The following KBTBD2 variants were observed in gnomAD, a reference collection of about 807,000 sequenced individuals.
The protein encoded by KBTBD2 is kelch repeat and BTB domain-containing protein 2.
A neutral mutation model predicts 57.1 loss-of-function variants in KBTBD2; 17 were observed. That is an observed-to-expected ratio of 0.30 (90% confidence interval 0.20 to 0.45). The LOEUF (loss-of-function observed/expected upper bound fraction) is 0.45. Among genes scored for constraint, KBTBD2 ranks in the 20% least tolerant of loss-of-function variants. KBTBD2 has a pLI of 1.00. For synonymous variants in KBTBD2, 267 were observed against 262.7 expected (o/e 1.02, Z -0.16); for missense variants, 515 against 750.6 (o/e 0.69, Z 3.67).
rs1166610342 is a variant in KBTBD2, at chr7:32,874,229, T to A, written c.336+763A>T. ...TCTGGCTAACAACGGTGAAACCCCA[T>A]CTCTACTAAAAATACAAAAAATTAG... On this transcript the variant is annotated intron_variant, in intron 3 of 3. Transcript: ENST00000304056. Among the ~76,000 whole-genome samples the A allele has an allele frequency of 2.0e-5, 3 of 151,512 alleles. No individual in the cohort carries two copies. The East Asian group carries it at 5.8e-4, about 29-fold the overall frequency.
chr7:32,888,720 C>T (rs892284920), intron 1 of KBTBD2, among the ~76,000 whole-genome samples: 3 of 150,220 alleles, frequency 2.0e-5, no homozygotes, highest in Admixed American at 1.3e-4. Flanking sequence ...AAAATTTCAG[C>T]ATAGCTTCCT....
At chr7:32,874,164 C>G (rs1440089796) in intron 3 of KBTBD2, among the ~76,000 whole-genome samples, 1 of 151,942 alleles carries the variant, frequency 6.6e-6, no homozygotes, top group Admixed American at 6.6e-5. Flanking sequence ...CTTTGGGAGG[C>G]CAAGGTGGGT....
intron 3 of KBTBD2, among the ~76,000 whole-genome samples, chr7:32,872,252 T>C (rs1193686020): frequency 6.6e-6 from 1 of 151,982 alleles, no homozygotes; most frequent in African/African-American, 2.4e-5. Flanking sequence ...GCAAACTATA[T>C]AAAGACAGTG....
In KBTBD2 at chr7:32,869,635, C is replaced by G. The variant is rs761455200; in HGVS notation, c.1582G>C (p.Val528Leu). 6.2e-7 allele frequency: 1 copy of G among 1,614,166 alleles called. No individual in the cohort carries two copies. Among genetic ancestry groups the G allele is most frequent in the Non-Finnish European group, 8.5e-7 (1 of 1,180,022 alleles). ...ACACATAGAGAATTTGAGATCACAA[C>G]AGCTCTAACACAGGGGTCAGAGTAC... Reference protein sequence around the residue: ...KRYSDPCVRAVVISNSLCVFM... With the variant: ...KRYSDPCVRALVISNSLCVFM... The change falls in exon 4 of 4, where the codon GTT becomes CTT. Residue 528 changes from valine to leucine, a missense_variant. Transcript: ENST00000304056.
intron 1 of KBTBD2, among the ~76,000 whole-genome samples, chr7:32,890,333 T>G (rs1249882019): frequency 6.6e-6 from 1 of 152,144 alleles, no homozygotes; most frequent in Admixed American, 6.6e-5. Flanking sequence ...AAATTCCACA[T>G]CATCGAGATT....
chr7:32,886,558 A>G (rs754920402), intron 1 of KBTBD2, among the ~76,000 whole-genome samples: 1 of 152,214 alleles, frequency 6.6e-6, no homozygotes, highest in Non-Finnish European at 1.5e-5. Context: ...ACGGCATTTT[A>G]TCAGAGACCT....
chr7:32,870,109 G>A lies in KBTBD2; in HGVS notation c.1108C>T (p.Arg370Cys), dbSNP rs957134147. 10 of 1,614,096 alleles carry A rather than the reference G, an allele frequency of 6.2e-6. No individual in the cohort carries two copies. Among genetic ancestry groups the A allele is most frequent in the Non-Finnish European group, 8.5e-6 (10 of 1,180,006 alleles). ...CAGCAAACCAAAGATGGCTTTATGC[G>A]GACAAAAAGCATTGGGGTCTTTGGA... is the stretch of plus-strand genomic sequence containing the variant. The part of the protein sequence containing the change: ...WFPKTPMLFV[R>C]IKPSLVCCEG... Residue 370 changes from arginine to cysteine, a missense_variant, in exon 4 of 4, where the codon CGC becomes TGC. By Grantham distance (180) the Arg-to-Cys change is radical. Transcript: ENST00000304056.
chr7:32,889,249 C>G (rs1784666062), intron 1 of KBTBD2, among the ~76,000 whole-genome samples: 1 of 150,894 alleles, frequency 6.6e-6, no homozygotes, highest in East Asian at 2.0e-4. Flanking sequence ...CAAGATCGCG[C>G]CACCGCACTC....
chr7:32,887,762 A>G (rs1164986579), intron 1 of KBTBD2, among the ~76,000 whole-genome samples: 3 of 152,304 alleles, frequency 2.0e-5, no homozygotes, highest in South Asian at 2.1e-4. Context: ...TACAAACCCA[A>G]ACTACTTGGG....
intron 1 of KBTBD2, chr7:32,891,301 C>A (rs1291341694): frequency 6.7e-6 from 1 of 148,646 alleles, no homozygotes; most frequent in Admixed American, 6.7e-5. Context: ...CGCGGACCTG[C>A]CCGGAGCTCC....
rs1583767795 is a variant in KBTBD2 at position 32,868,599 on chromosome 7, GA to G, written c.*745del. 6.6e-6 allele frequency: 1 copy of G among 152,548 alleles called. No homozygotes were observed. The highest frequency in any genetic ancestry group is 6.6e-5 in the Admixed American group (1 of 15,264). 9.4% of individuals were successfully genotyped at this position (152,548 alleles called of 1,614,324 possible). On this transcript the variant is annotated 3_prime_UTR_variant, in exon 4 of 4. Coordinates refer to ENST00000304056, the MANE Select transcript of KBTBD2 (RefSeq NM_015483.3). Reference sequence around the variant, plus strand: ...CATGAGCCAATGTTAACATAATACAGAAAGTGGAGGCTTTTTCTGATTAAAG... The same window carrying G: ...CATGAGCCAATGTTAACATAATACAGAAGTGGAGGCTTTTTCTGATTAAAG...
At chr7:32,889,588 ACT>A (rs774747585) in intron 1 of KBTBD2, among the ~76,000 whole-genome samples, 6 of 124,440 alleles carry the variant, frequency 4.8e-5, no homozygotes, top group Non-Finnish European at 9.7e-5. Flanking sequence ...GTGACAAGAG[ACT>A]CTGTCTCAAA....
chr7:32,877,130 T>C lies in KBTBD2; in HGVS notation c.171-1973A>G, dbSNP rs185890212. On this transcript the variant is annotated intron_variant, in intron 2 of 3. Coordinates refer to ENST00000304056, the MANE Select transcript of KBTBD2 (RefSeq NM_015483.3). Reference sequence around the variant, plus strand: ...AACTCCCAGGTTCAAGCGATTCTCCTACTTCAGCATCCCGAGTAGCTGGGA... The same window carrying C: ...AACTCCCAGGTTCAAGCGATTCTCCCACTTCAGCATCCCGAGTAGCTGGGA... Among the ~76,000 whole-genome samples the C allele has an allele frequency of 1.5e-3, 223 of 152,196 alleles. 1 individual carries two copies. The highest frequency in any genetic ancestry group is 5.1e-3 in the African/African-American group (210 of 41,530).
At chr7:32,890,185 C>G (rs937574115) in intron 1 of KBTBD2, among the ~76,000 whole-genome samples, 2 of 152,186 alleles carry the variant, frequency 1.3e-5, no homozygotes, top group Non-Finnish European at 2.9e-5. Context: ...ACAGCACTCC[C>G]GAGTTACTGA....
chr7:32,889,292 TA>T (rs565823381), intron 1 of KBTBD2, among the ~76,000 whole-genome samples: 1,983 of 137,910 alleles, frequency 0.014, 16 homozygotes, highest in African/African-American at 0.037. Context: ...CTCCGTCTCT[TA>T]AAAAAAAAAA....
chr7:32,885,877 AG>A (rs1216838032), intron 1 of KBTBD2, among the ~76,000 whole-genome samples: 3 of 150,572 alleles, frequency 2.0e-5, no homozygotes, highest in African/African-American at 7.3e-5. Context: ...TGTTATACAC[AG>A]GATGAAATCC....
chr7:32,879,105 ACT>A (rs1784388171), intron 2 of KBTBD2, among the ~76,000 whole-genome samples: 1 of 152,196 alleles, frequency 6.6e-6, no homozygotes, highest in Non-Finnish European at 1.5e-5. Flanking sequence ...AACAGAGATC[ACT>A]GTTTTCTAAA....
At chr7:32,872,452 A>G (rs1685074658) in intron 3 of KBTBD2, among the ~76,000 whole-genome samples, 1 of 152,020 alleles carries the variant, frequency 6.6e-6, no homozygotes, top group South Asian at 2.1e-4. Flanking sequence ...GGCCTAGGTG[A>G]GAGGAGTGCC....
intron 3 of KBTBD2, among the ~76,000 whole-genome samples, chr7:32,873,795 C>T (rs1205897665): frequency 1.3e-5 from 2 of 152,098 alleles, no homozygotes; most frequent in African/African-American, 2.4e-5. Context: ...GTAAAACACA[C>T]GAAACCAGTA....
Sources: gnomAD v4.1 joint callset for allele counts (sites outside exome capture counted in the v4.1 genomes callset) on GRCh38, gnomAD v4.1.1 for gene constraint, MANE v1.5 for transcripts, NCBI Gene and HGNC (gene_info 2026-07-23, HGNC 2026-07-21) for gene names.